Variants in NUMB observed in about 807,000 individuals in gnomAD.
NUMB encodes the protein NUMB endocytic adaptor protein, also known as protein numb homolog.
Under a neutral mutation model 59.7 loss-of-function variants are expected in NUMB, and 29 were observed. That is an observed-to-expected ratio of 0.49 (90% CI 0.36 to 0.66). The LOEUF (loss-of-function observed/expected upper bound fraction) is 0.66, where lower values mean the gene tolerates loss of function less well. NUMB is among the 30% of genes least tolerant of loss of function. The probability of loss-of-function intolerance (pLI) is 0.00; values close to 1 mark genes in which losing one functional copy is unlikely to be tolerated. For synonymous variants in NUMB, 288 were observed against 288.2 expected (o/e 1.00, Z 0.01); for missense variants, 723 against 822.0 (o/e 0.88, Z 1.47).
rs182045420 is a variant in NUMB at position 73,306,990 on chromosome 14, C to T, written c.234+9400G>A. On this transcript the variant is annotated intron_variant, in intron 6 of 12. Transcript: ENST00000555238. ...AGCAAGTAAAATGTATGGTATGACA[C>T]ACAGTGATAAACCCTATCAGATAAA... Among the ~76,000 whole-genome samples the T allele has an allele frequency of 3.0e-3, 452 of 152,248 alleles. 2 individuals are homozygous for T. Among genetic ancestry groups the T allele is most frequent in the Non-Finnish European group, 5.3e-3 (360 of 68,006 alleles).
chr14:73,359,618 T>C (rs1408856992), intron 3 of NUMB, among the ~76,000 whole-genome samples: 2 of 152,114 alleles, frequency 1.3e-5, no homozygotes, highest in Admixed American at 6.5e-5. Flanking sequence ...CTGTCAAGTG[T>C]GGGATGAGAA....
intron 2 of NUMB, among the ~76,000 whole-genome samples, chr14:73,395,236 A>G (rs552035853): frequency 1.3e-5 from 2 of 151,398 alleles, no homozygotes; most frequent in Non-Finnish European, 2.9e-5. Flanking sequence ...CACTCTCTAC[A>G]TTTCTTTATC....
chr14:73,303,804 A>G (rs1036104508), intron 6 of NUMB, among the ~76,000 whole-genome samples: 1 of 152,180 alleles, frequency 6.6e-6, no homozygotes, highest in African/African-American at 2.4e-5. Flanking sequence ...TTTTCAAAGA[A>G]AACCGATCTA....
At chr14:73,395,354 G>A (rs537789353) in intron 2 of NUMB, among the ~76,000 whole-genome samples, 79 of 151,872 alleles carry the variant, frequency 5.2e-4, no homozygotes, top group Non-Finnish European at 1.0e-3. Context: ...TGGGCGTGGT[G>A]GCTCATGCCT....
chr14:73,355,892 T>C (rs1193549731), intron 3 of NUMB, 126 bp from the exon 4 acceptor site: 2 of 657,798 alleles, frequency 3.0e-6, no homozygotes, highest in Non-Finnish European at 5.0e-6. Flanking sequence ...ATTTAAGCAA[T>C]ATATAATTAT....
chr14:73,434,351 G>A (rs887798021), intron 1 of NUMB, among the ~76,000 whole-genome samples: 5 of 152,102 alleles, frequency 3.3e-5, no homozygotes, highest in African/African-American at 1.2e-4. Flanking sequence ...GCCCTCACAG[G>A]AGTTATCATG....
rs1889316603 is a variant in NUMB at position 73,290,463 on chromosome 14, G to A, written c.450+2271C>T. Among the ~76,000 whole-genome samples, 5 of 152,330 alleles carry A rather than the reference G, an allele frequency of 3.3e-5. 1 individual carries two copies. The South Asian group carries it at 1.0e-3, about 32-fold the overall frequency. On this transcript the variant is annotated intron_variant, in intron 8 of 12. Coordinates refer to ENST00000555238, the MANE Select transcript of NUMB (RefSeq NM_001005743.2). ...TAACTTGCCCCAAATCCCACAGCTA[G>A]TAAGAACCAGAATCAGAACTGAAAC... is the stretch of plus-strand genomic sequence containing the variant.
At chr14:73,310,384 T>A (rs1420275096) in intron 6 of NUMB, among the ~76,000 whole-genome samples, 2 of 152,194 alleles carry the variant, frequency 1.3e-5, no homozygotes, top group Non-Finnish European at 2.9e-5. Flanking sequence ...TGCAACTAAT[T>A]CAAATTTATA....
In NUMB at chr14:73,425,308, A is replaced by G. The variant is rs186497989; in HGVS notation, c.-232-15240T>C. On this transcript the variant is annotated intron_variant, in intron 1 of 12. Transcript: ENST00000555238. The stretch of plus-strand genomic sequence containing the variant: ...ACATTGAAAAAAATTGCAGTTCATC[A>G]TGAAAAACCTTCAGTTCAAGGTACC... 2.9e-3 allele frequency among the ~76,000 whole-genome samples: 436 copies of G among 152,326 alleles called. 2 individuals carry two copies. Among genetic ancestry groups the G allele is most frequent in the Non-Finnish European group, 4.5e-3 (306 of 68,022 alleles).
At chr14:73,403,505 T>A (rs1896512344) in intron 2 of NUMB, among the ~76,000 whole-genome samples, 1 of 152,226 alleles carries the variant, frequency 6.6e-6, no homozygotes, top group African/African-American at 2.4e-5. Context: ...CAGGAAGCTG[T>A]GAGAAGCCTG....
intron 2 of NUMB, among the ~76,000 whole-genome samples, chr14:73,376,203 G>A (rs957211179): frequency 6.6e-6 from 1 of 152,076 alleles, no homozygotes; most frequent in African/African-American, 2.4e-5. Context: ...ATTATAGCAA[G>A]GTTACAGGAC....
At chr14:73,281,742 G>A (rs1888649688) in intron 11 of NUMB, among the ~76,000 whole-genome samples, 1 of 152,242 alleles carries the variant, frequency 6.6e-6, no homozygotes, top group African/African-American at 2.4e-5. Flanking sequence ...GCTCAAAGGA[G>A]TGCCTTTTTC....
chr14:73,401,181 A>C (rs927166260), intron 2 of NUMB, among the ~76,000 whole-genome samples: 2 of 152,196 alleles, frequency 1.3e-5, no homozygotes, highest in Admixed American at 6.5e-5. Flanking sequence ...GTAGATAGAA[A>C]TCCCCACGCA....
intron 6 of NUMB, among the ~76,000 whole-genome samples, chr14:73,307,258 G>A (rs1164713495): frequency 3.3e-5 from 5 of 151,412 alleles, no homozygotes; most frequent in African/African-American, 1.2e-4. Context: ...GCAGTGAGCC[G>A]AGATTGCGCC....
At chr14:73,377,604 C>T (rs1289096364) in intron 2 of NUMB, among the ~76,000 whole-genome samples, 1 of 152,190 alleles carries the variant, frequency 6.6e-6, no homozygotes, top group Non-Finnish European at 1.5e-5. Flanking sequence ...CATGCCATTA[C>T]ACTCCAGCCT....
intron 5 of NUMB, among the ~76,000 whole-genome samples, chr14:73,321,286 T>C (rs184014638): frequency 1.2e-4 from 19 of 152,318 alleles, no homozygotes; most frequent in African/African-American, 4.6e-4. Context: ...TAATTATTTA[T>C]AGTTTGTTTC....
chr14:73,333,008 T>A (rs193292499), intron 4 of NUMB, among the ~76,000 whole-genome samples: 10 of 152,352 alleles, frequency 6.6e-5, no homozygotes, highest in Admixed American at 1.3e-4. Context: ...CATACTACCA[T>A]CAATGGACAT....
At chr14:73,303,906 C>G (rs1439635560) in intron 6 of NUMB, among the ~76,000 whole-genome samples, 1 of 152,120 alleles carries the variant, frequency 6.6e-6, no homozygotes, top group Non-Finnish European at 1.5e-5. Flanking sequence ...GAAAGTATAA[C>G]TTTCTCAAGT....
chr14:73,372,317 A>ATATATATATATATAACCTTT (rs1555375699), intron 2 of NUMB, among the ~76,000 whole-genome samples: 4 of 107,694 alleles, frequency 3.7e-5, no homozygotes, highest in African/African-American at 1.3e-4. Context: ...ATATATATAT[A>ATATATATATATATAACCTTT]TATATATATA....
Sources: gnomAD v4.1 joint callset for allele counts (sites outside exome capture counted in the v4.1 genomes callset) on GRCh38, gnomAD v4.1.1 for gene constraint, MANE v1.5 for transcripts, NCBI Gene and HGNC (gene_info 2026-07-23, HGNC 2026-07-21) for gene names.